The following THSD7A variants were observed in gnomAD, a reference collection of about 807,000 sequenced individuals.
THSD7A encodes the protein thrombospondin type-1 domain-containing protein 7A.
In THSD7A, 96 loss-of-function variants were observed where a neutral mutation model predicts 231.3. That is an observed-to-expected ratio of 0.41 (90% CI 0.35 to 0.49). The LOEUF (loss-of-function observed/expected upper bound fraction) is 0.49. Among genes scored for constraint, THSD7A ranks in the 20% least tolerant of loss-of-function variants. THSD7A has a pLI of 0.05. For missense variants in THSD7A, 2,290 were observed against 2,070.2 expected (o/e 1.11, Z -2.06); for synonymous variants, 940 against 743.3 (o/e 1.26, Z -4.30).
At chr7:11,488,321 A>C (rs538145019) in intron 6 of THSD7A, among the ~76,000 whole-genome samples, 2 of 152,134 alleles carry the variant, frequency 1.3e-5, no homozygotes, top group Non-Finnish European at 2.9e-5. Flanking sequence ...CAAAAGAATT[A>C]AAGAGGGAAA....
intron 1 of THSD7A, among the ~76,000 whole-genome samples, chr7:11,679,858 A>G (rs1440277209): frequency 6.6e-6 from 1 of 152,132 alleles, no homozygotes; most frequent in Non-Finnish European, 1.5e-5. Context: ...TAAATTTCAT[A>G]TGGAACCAAA....
chr7:11,722,396 A>G (rs987200480), intron 1 of THSD7A, among the ~76,000 whole-genome samples: 11 of 151,862 alleles, frequency 7.2e-5, no homozygotes, highest in Admixed American at 6.6e-5. Flanking sequence ...GCTCCTATGG[A>G]TAACATCAGT....
intron 11 of THSD7A, 84 bp downstream of exon 11, chr7:11,460,578 C>T (rs1384874822): frequency 9.6e-7 from 1 of 1,037,554 alleles, no homozygotes; most frequent in African/African-American, 1.6e-5. Flanking sequence ...GTTTGCTAAG[C>T]ATGGTGTCCA....
intron 4 of THSD7A, among the ~76,000 whole-genome samples, chr7:11,547,806 T>C (rs941674679): frequency 1.3e-5 from 2 of 152,150 alleles, no homozygotes; most frequent in African/African-American, 2.4e-5. Context: ...AGAAATTCTT[T>C]GAAATTAATG....
At chr7:11,543,240 C>G (rs1789231232) in intron 4 of THSD7A, 123 bp from the exon 5 acceptor site, 1 of 747,058 alleles carries the variant, frequency 1.3e-6, no homozygotes, top group Non-Finnish European at 2.1e-6. Flanking sequence ...AGACATTATT[C>G]CAATGCTTCT....
chr7:11,673,096 A>C (rs1332756404), intron 1 of THSD7A, among the ~76,000 whole-genome samples: 3 of 152,122 alleles, frequency 2.0e-5, no homozygotes, highest in Non-Finnish European at 4.4e-5. Flanking sequence ...ACAGAGGATT[A>C]ATAGTTAGGT....
At chr7:11,408,023 A>AAACTT (rs1232194639) in intron 19 of THSD7A, among the ~76,000 whole-genome samples, 7 of 152,212 alleles carry the variant, frequency 4.6e-5, no homozygotes, top group African/African-American at 1.7e-4. Context: ...TTCACTTCTA[A>AAACTT]AACTTAACTG....
chr7:11,467,509 A>G (rs1306143812), intron 9 of THSD7A, among the ~76,000 whole-genome samples: 1 of 152,180 alleles, frequency 6.6e-6, no homozygotes, highest in Non-Finnish European at 1.5e-5. Flanking sequence ...ATTTATACAT[A>G]TATACACAAA....
intron 2 of THSD7A, among the ~76,000 whole-genome samples, chr7:11,608,077 T>C (rs750895325): frequency 1.1e-4 from 17 of 152,156 alleles, no homozygotes; most frequent in Non-Finnish European, 1.9e-4. Flanking sequence ...CCCATGCTGT[T>C]CCAGGCAGTG....
At chr7:11,505,181 T>C (rs575249632) in intron 6 of THSD7A, among the ~76,000 whole-genome samples, 8 of 152,126 alleles carry the variant, frequency 5.3e-5, no homozygotes, top group Non-Finnish European at 1.2e-4. Context: ...GAAAGGAAAA[T>C]CTGGATATTC....
intron 1 of THSD7A, among the ~76,000 whole-genome samples, chr7:11,795,129 C>T (rs1185729600): frequency 1.3e-5 from 2 of 151,424 alleles, no homozygotes; most frequent in African/African-American, 4.8e-5. Flanking sequence ...TTGTCTTTAA[C>T]CGAGTTTTAT....
chr7:11,718,644 T>G (rs7777571), intron 1 of THSD7A, among the ~76,000 whole-genome samples: 31,879 of 151,552 alleles, frequency 0.21, 3,733 homozygotes, highest in East Asian at 0.34. Flanking sequence ...GATATAGAAT[T>G]CCTCTACTGA....
intron 8 of THSD7A, among the ~76,000 whole-genome samples, chr7:11,471,502 A>T (rs986384148): frequency 1.3e-5 from 2 of 152,026 alleles, no homozygotes; most frequent in African/African-American, 4.8e-5. Context: ...GTATTTATGT[A>T]AATTTTCTTC....
intron 2 of THSD7A, among the ~76,000 whole-genome samples, chr7:11,613,316 C>T (rs1780995020): frequency 6.6e-6 from 1 of 152,146 alleles, no homozygotes. Flanking sequence ...TTGATTTGAT[C>T]CACTTACAAA....
Position 11,632,388 on chromosome 7 carries a change from T to G in THSD7A, c.1022+3742A>C, listed in dbSNP as rs1781685258. Reference sequence around the variant, plus strand: ...TTAATCTTTTTCCCCATTATAATATTTAATTTTTTAAGCATCTAGGGAATA... The same window carrying G: ...TTAATCTTTTTCCCCATTATAATATGTAATTTTTTAAGCATCTAGGGAATA... On this transcript the variant is annotated intron_variant, in intron 2 of 27. Coordinates refer to ENST00000423059, the MANE Select transcript of THSD7A (RefSeq NM_015204.3). The surrounding 1 kb of genome is among the most constrained non-coding windows in gnomAD (Gnocchi z 4.1). 6.6e-6 allele frequency among the ~76,000 whole-genome samples: 1 copy of G among 152,202 alleles called. No individual in the cohort carries two copies. The highest frequency in any genetic ancestry group is 1.5e-5 in the Non-Finnish European group (1 of 68,024).
chr7:11,501,344 A>T (rs930166761), intron 6 of THSD7A, among the ~76,000 whole-genome samples: 1 of 152,246 alleles, frequency 6.6e-6, no homozygotes, highest in East Asian at 1.9e-4. Flanking sequence ...TCATTGCCAC[A>T]TGGCACATAC....
At chr7:11,703,615 A>T (rs1780673295) in intron 1 of THSD7A, among the ~76,000 whole-genome samples, 1 of 151,280 alleles carries the variant, frequency 6.6e-6, no homozygotes, top group South Asian at 2.1e-4. Context: ...CAATATCTTA[A>T]TGTAGCTGGC....
intron 1 of THSD7A, among the ~76,000 whole-genome samples, chr7:11,792,287 T>A (rs1454337680): frequency 2.6e-5 from 4 of 152,050 alleles, no homozygotes; most frequent in Non-Finnish European, 5.9e-5. Flanking sequence ...AAGAGCTTTT[T>A]CACAGTCAGC....
intron 23 of THSD7A, among the ~76,000 whole-genome samples, chr7:11,387,474 A>G (rs1051614501): frequency 6.6e-6 from 1 of 152,134 alleles, no homozygotes; most frequent in Non-Finnish European, 1.5e-5. Context: ...CTTTGTAGCA[A>G]TTGTGAATGG....
Sources: gnomAD v4.1 joint callset for allele counts (sites outside exome capture counted in the v4.1 genomes callset) on GRCh38, gnomAD v4.1.1 for gene constraint, Gnocchi (gnomAD v3.1) non-coding constraint, MANE v1.5 for transcripts, NCBI Gene and HGNC (gene_info 2026-07-23, HGNC 2026-07-21) for gene names.